ZNF385B: variants seen among roughly 807,000 people sequenced by gnomAD.
ZNF385B encodes the protein zinc finger protein 385B.
In ZNF385B, 23 loss-of-function variants were observed where a neutral mutation model predicts 39.2. The ratio of observed to expected loss-of-function variants is 0.59; its 90% CI spans 0.42 to 0.83. ZNF385B has a LOEUF of 0.83. ZNF385B is among the 40% of genes least tolerant of loss of function. The pLI is 0.00. For missense variants in ZNF385B, 552 were observed against 598.9 expected (o/e 0.92, Z 0.82); for synonymous variants, 205 against 222.6 (o/e 0.92, Z 0.70).
chr2:179,490,828 C>T (rs985652017), intron 5 of ZNF385B, among the ~76,000 whole-genome samples: 2 of 152,096 alleles, frequency 1.3e-5, no homozygotes, highest in Admixed American at 1.3e-4. Flanking sequence ...GGTTGAGTAG[C>T]ACAGCGCATA....
chr2:179,693,428 A>G (rs955554124), intron 3 of ZNF385B, among the ~76,000 whole-genome samples: 5 of 152,340 alleles, frequency 3.3e-5, no homozygotes, highest in South Asian at 2.1e-4. Flanking sequence ...ATGAATTATG[A>G]TCTTCTATTC....
At chr2:179,806,439 A>G (rs1406893894) in intron 1 of ZNF385B, among the ~76,000 whole-genome samples, 3 of 152,166 alleles carry the variant, frequency 2.0e-5, no homozygotes, top group African/African-American at 4.8e-5. Context: ...TGAGGCATGG[A>G]GGTCATGAAG....
Position 179,558,790 on chromosome 2 carries a change from A to G in ZNF385B, c.299-13821T>C, listed in dbSNP as rs764743696. On this transcript the variant is annotated intron_variant, in intron 3 of 9. Coordinates refer to ENST00000410066, the MANE Select transcript of ZNF385B (RefSeq NM_152520.6). ...TAGAAAAGGCCACTCTTGGTCCTCT[A>G]TCAGCAAATAAGCCATTCTCACCCA... 1.6e-4 allele frequency among the ~76,000 whole-genome samples: 25 copies of G among 152,306 alleles called. 1 individual carries two copies. The highest frequency in any genetic ancestry group is 2.9e-4 in the Non-Finnish European group (20 of 68,022).
Position 179,445,625 on chromosome 2 carries a change from C to A in ZNF385B, c.1065G>T (p.Gly355=). The change falls in exon 8 of 10, where the codon GGG becomes GGT. Residue 355 remains glycine, a synonymous_variant. Transcript: ENST00000410066. ...GAAATGTCTTGTTCTGTAGTCCTGA[C>A]CCCTTACTGCCATTCTGCATCTTTA... ...SRLKMQNGSK[G]SGLQNKTFHC... 1 of 1,614,036 alleles carries A rather than the reference C, an allele frequency of 6.2e-7. No individual in the cohort carries two copies. The highest frequency in any genetic ancestry group is 8.5e-7 in the Non-Finnish European group (1 of 1,179,962).
chr2:179,672,157 A>G (rs1159232605), intron 3 of ZNF385B, among the ~76,000 whole-genome samples: 2 of 152,246 alleles, frequency 1.3e-5, no homozygotes, highest in African/African-American at 4.8e-5. Context: ...AGAGCTTTGA[A>G]TCAAAGATTA....
At chr2:179,683,191 C>G (rs1288559890) in intron 3 of ZNF385B, among the ~76,000 whole-genome samples, 1 of 151,234 alleles carries the variant, frequency 6.6e-6, no homozygotes, top group Non-Finnish European at 1.5e-5. Context: ...AGTTCGAAAC[C>G]AGCCTGGCCA....
chr2:179,704,475 T>C (rs1025528296), intron 3 of ZNF385B, among the ~76,000 whole-genome samples: 2 of 152,148 alleles, frequency 1.3e-5, no homozygotes, highest in Non-Finnish European at 2.9e-5. Context: ...AAAATAGACT[T>C]TTCATTTTGG....
At chr2:179,700,000 C>T (rs1699059816) in intron 3 of ZNF385B, among the ~76,000 whole-genome samples, 1 of 151,976 alleles carries the variant, frequency 6.6e-6, no homozygotes, top group Admixed American at 6.6e-5. Context: ...ATTCCCTGCT[C>T]TCTTCATTGA....
chr2:179,493,484 T>A (rs528188853), intron 5 of ZNF385B, among the ~76,000 whole-genome samples: 1 of 51,800 alleles, frequency 1.9e-5, no homozygotes, highest in African/African-American at 5.5e-5. Flanking sequence ...TGTACACATA[T>A]GTATAAACGT....
chr2:179,480,696 CCT>C (rs1491408153), intron 6 of ZNF385B, among the ~76,000 whole-genome samples: 1 of 136,638 alleles, frequency 7.3e-6, no homozygotes, highest in Non-Finnish European at 1.6e-5. Flanking sequence ...CAAATGCACT[CCT>C]TTTTTTTTTT....
chr2:179,721,329 T>C (rs1219321939), intron 3 of ZNF385B, among the ~76,000 whole-genome samples: 3 of 152,096 alleles, frequency 2.0e-5, no homozygotes, highest in Admixed American at 6.5e-5. Flanking sequence ...TTAACCAAAA[T>C]TGACTCAAGT....
At chr2:179,701,781 G>C (rs1699221996) in intron 3 of ZNF385B, among the ~76,000 whole-genome samples, 1 of 152,142 alleles carries the variant, frequency 6.6e-6, no homozygotes, top group Admixed American at 6.5e-5. Flanking sequence ...TCAGTAACTG[G>C]CATCTCAACA....
chr2:179,631,001 C>G (rs1194771000), intron 3 of ZNF385B, among the ~76,000 whole-genome samples: 1 of 152,186 alleles, frequency 6.6e-6, no homozygotes. Flanking sequence ...ACAAAGCCTC[C>G]AAGAAACAGG....
intron 3 of ZNF385B, among the ~76,000 whole-genome samples, chr2:179,737,857 T>C (rs756811511): frequency 6.6e-6 from 1 of 152,188 alleles, no homozygotes; most frequent in Non-Finnish European, 1.5e-5. Flanking sequence ...TAAATTGTGG[T>C]GGAGCTGCGC....
intron 3 of ZNF385B, among the ~76,000 whole-genome samples, chr2:179,653,864 G>A: frequency 6.6e-6 from 1 of 151,806 alleles, no homozygotes; most frequent in East Asian, 1.9e-4. Context: ...ACTAGCCAAG[G>A]CCACTTTAAT....
Position 179,827,294 on chromosome 2 carries a change from T to C in ZNF385B, c.-155+33807A>G, listed in dbSNP as rs116298768. Among the ~76,000 whole-genome samples, 844 of 152,176 alleles carry C rather than the reference T, an allele frequency of 5.5e-3. 13 individuals are homozygous for C. Among genetic ancestry groups the C allele is most frequent in the African/African-American group, 0.02 (816 of 41,530 alleles). ...GGAGGGTTGGGGAAGAAGGGGTAAA[T>C]AGACTTGGGGAGAATCCAGATCACC... On this transcript the variant is annotated intron_variant, in intron 1 of 9. Coordinates refer to ENST00000410066, the MANE Select transcript of ZNF385B (RefSeq NM_152520.6).
chr2:179,537,317 T>A (rs749669355), intron 4 of ZNF385B, among the ~76,000 whole-genome samples: 726 of 56,240 alleles, frequency 0.013, 3 homozygotes, highest in African/African-American at 0.02. Flanking sequence ...AAAAAAAAAA[T>A]AAATAAAAAA....
intron 3 of ZNF385B, among the ~76,000 whole-genome samples, chr2:179,725,215 A>C (rs1435298001): frequency 6.6e-6 from 1 of 152,098 alleles, no homozygotes; most frequent in Non-Finnish European, 1.5e-5. Context: ...ATACTGTTCA[A>C]TCAAGTAATC....
rs1002002190 is a variant in ZNF385B, at chr2:179,549,897, T to C, written c.299-4928A>G. 4.0e-5 allele frequency among the ~76,000 whole-genome samples: 6 copies of C among 148,972 alleles called. 1 individual carries two copies. Among genetic ancestry groups the C allele is most frequent in the African/African-American group, 1.0e-4 (4 of 39,422 alleles). On this transcript the variant is annotated intron_variant, in intron 3 of 9. Coordinates refer to ENST00000410066, the MANE Select transcript of ZNF385B (RefSeq NM_152520.6). ...TTGAGAGTAATTTTTTTTTTTCTGA[T>C]GCTCAAGTAAATACTCTGATCTCAG...
Sources: allele counts gnomAD v4.1 joint callset (sites outside exome capture counted in the v4.1 genomes callset), GRCh38; gene constraint gnomAD v4.1.1; transcripts MANE v1.5; gene names NCBI Gene and HGNC (gene_info 2026-07-23, HGNC 2026-07-21).